The following IBTK variants were observed in gnomAD, a reference collection of about 807,000 sequenced individuals.
The protein encoded by IBTK is BTK-binding protein.
Under a neutral mutation model 154.9 loss-of-function variants are expected in IBTK, and 83 were observed. That is an observed-to-expected ratio of 0.54 (90% CI 0.45 to 0.64). IBTK has a LOEUF of 0.64. IBTK is among the 30% of genes least tolerant of loss of function. The pLI is 0.00. For missense variants in IBTK, 1,332 were observed against 1,584.6 expected (o/e 0.84, Z 2.71); for synonymous variants, 515 against 536.1 (o/e 0.96, Z 0.54).
chr6:82,246,441 CT>C lies in IBTK; in HGVS notation c.-358+1120del, dbSNP rs1554189129. Among the ~76,000 whole-genome samples, 340 of 111,668 alleles carry C rather than the reference CT, an allele frequency of 3.0e-3. 2 individuals carry two copies. The highest frequency in any genetic ancestry group is 5.0e-3 in the African/African-American group (145 of 28,754). 73.3% of individuals were successfully genotyped at this position (111,668 alleles called of 152,430 possible). On this transcript the variant is annotated intron_variant, in intron 1 of 28. Transcript: ENST00000306270. ...CCCAGACTGCTGGGATTACAGGCAT[CT>C]TTTTTTTTTTTTTTTTTTTTGAGAT...
At chr6:82,200,499 C>T (rs1769161321) in intron 20 of IBTK, 88 bp downstream of exon 20, 1 of 1,177,520 alleles carries the variant, frequency 8.5e-7, no homozygotes, top group South Asian at 1.6e-5. Context: ...ACAAAAGTGT[C>T]ATATGTCCAA....
At chr6:82,201,878 A>G (rs915674759) in intron 18 of IBTK, among the ~76,000 whole-genome samples, 3 of 152,016 alleles carry the variant, frequency 2.0e-5, no homozygotes, top group Non-Finnish European at 4.4e-5. Flanking sequence ...GGCACACACA[A>G]TCACGCTCGG....
intron 26 of IBTK, 68 bp downstream of exon 26, chr6:82,181,811 C>T: frequency 8.8e-7 from 1 of 1,130,346 alleles, no homozygotes; most frequent in Non-Finnish European, 1.2e-6. Context: ...AGGATTATTT[C>T]AGAACATAAA....
At chr6:82,191,499 C>G in intron 24 of IBTK, 1 of 560,960 alleles carries the variant, frequency 1.8e-6, no homozygotes, top group South Asian at 2.1e-5. Context: ...ACTTGCATCA[C>G]AAGCCTTAAC....
chr6:82,186,605 C>T (rs564124023), intron 25 of IBTK, among the ~76,000 whole-genome samples: 11 of 152,074 alleles, frequency 7.2e-5, no homozygotes, highest in South Asian at 6.2e-4. Context: ...AGTCTGGAAC[C>T]GAACCTGCAG....
rs202144441 is a variant in IBTK, at chr6:82,172,430, G to C, written c.3880C>G (p.Gln1294Glu). ...FASIVEEELQ[Q>E]EAALIRSREK... ...CGACTTCTAATAAGAGCTGCTTCTT[G>C]TTGTAGTTCTTCTTCTACAATAGAT... The change falls in exon 28 of 29, where the codon CAA becomes GAA. Residue 1294 changes from glutamine (Q) to glutamate (E), a missense_variant. Around this residue, in one of 3 missense-constraint regions of IBTK, gnomAD observed 1,134 missense variants for 1,274.7 expected, o/e 0.89. Transcript: ENST00000306270. 9 of 1,613,824 alleles carry C rather than the reference G, an allele frequency of 5.6e-6. No individual in the cohort carries two copies. The highest frequency in any genetic ancestry group is 5.5e-5 in the South Asian group (5 of 91,074).
intron 3 of IBTK, among the ~76,000 whole-genome samples, chr6:82,232,124 G>C (rs1770532852): frequency 6.6e-6 from 1 of 151,536 alleles, no homozygotes; most frequent in Non-Finnish European, 1.5e-5. Context: ...TCACCTCACG[G>C]GCTCAAGTGA....
chr6:82,188,539 G>A (rs952239612), intron 25 of IBTK, among the ~76,000 whole-genome samples: 5 of 152,122 alleles, frequency 3.3e-5, no homozygotes, highest in African/African-American at 1.2e-4. Flanking sequence ...ACATACGTGT[G>A]TGTTTCTGTT....
chr6:82,201,536 T>C (rs1331565896), intron 18 of IBTK, 54 bp from the exon 19 acceptor site: 1 of 1,251,590 alleles, frequency 8.0e-7, no homozygotes, highest in Non-Finnish European at 1.1e-6. Context: ...TTGATAACTG[T>C]CAAGTTGCTT....
intron 12 of IBTK, among the ~76,000 whole-genome samples, chr6:82,213,760 T>G (rs1158363273): frequency 1.3e-5 from 2 of 152,002 alleles, no homozygotes; most frequent in Non-Finnish European, 2.9e-5. Flanking sequence ...TCCATTAATG[T>G]AATCCAAGAA....
Position 82,185,060 on chromosome 6 carries a change from G to A in IBTK, c.3576-3032C>T, listed in dbSNP as rs1324333121. ...TAGCCAGGCATAGTGGTGTGCATCT[G>A]TAATCCCAGATACTCGGGAGGCTGA... On this transcript the variant is annotated intron_variant, in intron 25 of 28. Coordinates refer to ENST00000306270, the MANE Select transcript of IBTK (RefSeq NM_015525.4). 2.0e-5 allele frequency among the ~76,000 whole-genome samples: 3 copies of A among 151,598 alleles called. No individual in the cohort carries two copies. In the South Asian group the frequency reaches 6.3e-4, roughly 32 times the overall value.
intron 25 of IBTK, chr6:82,189,131 A>C (rs1198608927): frequency 2.7e-6 from 1 of 367,334 alleles, no homozygotes; most frequent in Non-Finnish European, 5.2e-6. Context: ...AAAGTATCAA[A>C]GTAATATTAA....
chr6:82,242,921 G>A (rs1213332795), intron 1 of IBTK, among the ~76,000 whole-genome samples: 3 of 146,244 alleles, frequency 2.1e-5, no homozygotes, highest in Non-Finnish European at 3.0e-5. Flanking sequence ...TGGTGACAAA[G>A]CAAGACTCTG....
At chr6:82,242,502 A>T (rs1770989876) in intron 1 of IBTK, among the ~76,000 whole-genome samples, 1 of 152,166 alleles carries the variant, frequency 6.6e-6, no homozygotes, top group Non-Finnish European at 1.5e-5. Flanking sequence ...TTAATGGCAA[A>T]ACCTACAATT....
chr6:82,213,470 A>G (rs916247510), intron 12 of IBTK, among the ~76,000 whole-genome samples: 1 of 152,210 alleles, frequency 6.6e-6, no homozygotes, highest in Admixed American at 6.5e-5. Flanking sequence ...ATATGATACT[A>G]TGGTGTTAGG....
intron 25 of IBTK, among the ~76,000 whole-genome samples, chr6:82,186,895 T>C (rs1768576301): frequency 6.6e-6 from 1 of 151,300 alleles, no homozygotes; most frequent in Admixed American, 6.6e-5. Flanking sequence ...ATCACTTGTA[T>C]TTGATAATTA....
chr6:82,185,196 A>C (rs543083118), intron 25 of IBTK, among the ~76,000 whole-genome samples: 15 of 151,560 alleles, frequency 9.9e-5, no homozygotes, highest in Non-Finnish European at 1.5e-4. Flanking sequence ...AAAAAAAAAA[A>C]AAAAAAAAAA....
rs111251022 is a variant in IBTK, at chr6:82,175,472, G to A, written c.3726-2034C>T. 3.1e-3 allele frequency among the ~76,000 whole-genome samples: 464 copies of A among 152,130 alleles called. 3 individuals carry two copies. Among genetic ancestry groups the A allele is most frequent in the African/African-American group, 0.01 (428 of 41,508 alleles). ...CTTTTTCCACTCATGATGTTTCAAC[G>A]GATAATTTCATTAATTACAAATTTA... On this transcript the variant is annotated intron_variant, in intron 26 of 28. Coordinates refer to ENST00000306270, the MANE Select transcript of IBTK (RefSeq NM_015525.4).
At chr6:82,183,831 G>A (rs1400859502) in intron 25 of IBTK, among the ~76,000 whole-genome samples, 1 of 152,218 alleles carries the variant, frequency 6.6e-6, no homozygotes. Flanking sequence ...TTTAAGTTAT[G>A]AGGGTGCCTC....
Sources: allele counts gnomAD v4.1 joint callset (sites outside exome capture counted in the v4.1 genomes callset), GRCh38; gene constraint gnomAD v4.1.1; regional missense constraint gnomAD v4.1.1; transcripts MANE v1.5; gene names NCBI Gene and HGNC (gene_info 2026-07-23, HGNC 2026-07-21).